Variants in MTMR12 observed in about 807,000 individuals in gnomAD.
MTMR12 encodes the protein myotubularin related protein 12, also known as myotubularin-related protein 12.
MTMR12 carries 33 observed loss-of-function variants against 96.7 expected under a neutral mutation model. The observed-to-expected ratio is 0.34, with a 90% confidence interval of 0.26 to 0.46. The LOEUF is 0.46. MTMR12 is among the 20% of genes least tolerant of loss of function. The pLI, the probability that MTMR12 is intolerant of heterozygous loss-of-function variation, is 1.00. For missense variants in MTMR12, 721 were observed against 896.1 expected (o/e 0.80, Z 2.49); for synonymous variants, 298 against 327.2 (o/e 0.91, Z 0.96).
At chr5:32,244,242 G>A (rs1187921811) in intron 10 of MTMR12, among the ~76,000 whole-genome samples, 1 of 150,712 alleles carries the variant, frequency 6.6e-6, no homozygotes, top group Non-Finnish European at 1.5e-5. Flanking sequence ...TGGCGCCACT[G>A]CACCCTAGCC....
At chr5:32,275,124 C>T (rs540170015) in intron 2 of MTMR12, among the ~76,000 whole-genome samples, 8 of 152,132 alleles carry the variant, frequency 5.3e-5, no homozygotes, top group Admixed American at 3.3e-4. Context: ...TTTAGTCTAC[C>T]TTCAATATGA....
chr5:32,293,469 A>C (rs1203046964), intron 1 of MTMR12, among the ~76,000 whole-genome samples: 1 of 152,134 alleles, frequency 6.6e-6, no homozygotes. Context: ...TGAGACTCTG[A>C]CTGGCTCTCC....
At chr5:32,281,248 T>TAAAAAAAAA (rs72123716) in intron 1 of MTMR12, among the ~76,000 whole-genome samples, 3 of 107,452 alleles carry the variant, frequency 2.8e-5, no homozygotes, top group African/African-American at 3.5e-5. Flanking sequence ...ACTCTATCAT[T>TAAAAAAAAA]AAAAAAAAAA....
At chr5:32,305,125 G>T (rs1305503165) in intron 1 of MTMR12, among the ~76,000 whole-genome samples, 1 of 152,126 alleles carries the variant, frequency 6.6e-6, no homozygotes, top group Non-Finnish European at 1.5e-5. Context: ...GTCTTGCTCT[G>T]TCGCCCAGGC....
intron 1 of MTMR12, among the ~76,000 whole-genome samples, chr5:32,282,524 A>T (rs954783554): frequency 4.6e-5 from 7 of 152,074 alleles, no homozygotes; most frequent in Non-Finnish European, 8.8e-5. Flanking sequence ...ACTTCAAAAA[A>T]ATTATAAATA....
chr5:32,268,598 G>C, intron 6 of MTMR12, 103 bp downstream of exon 6: 1 of 891,640 alleles, frequency 1.1e-6, no homozygotes, highest in Non-Finnish European at 1.8e-6. Flanking sequence ...AGAGGAGACA[G>C]GAAAAAACAA....
intron 3 of MTMR12, among the ~76,000 whole-genome samples, chr5:32,272,960 A>G (rs539207589): frequency 6.6e-6 from 1 of 152,182 alleles, no homozygotes; most frequent in African/African-American, 2.4e-5. Flanking sequence ...GACAGTTGGC[A>G]CATTGGGGCC....
chr5:32,242,191 G>A (rs375281151), intron 11 of MTMR12, 64 bp from the exon 12 acceptor site: 127 of 1,155,272 alleles, frequency 1.1e-4, no homozygotes, highest in African/African-American at 3.1e-4. Flanking sequence ...CAAACACTAC[G>A]TAGTTGAGAG....
Position 32,312,903 on chromosome 5 carries a change from AGCAGCGGCGGCCACCAGCACTAGCG to A in MTMR12, c.-90_-66del. 1.4e-6 allele frequency: 2 copies of A among 1,420,258 alleles called. No homozygotes were observed. Among genetic ancestry groups the A allele is most frequent in the Middle Eastern group, 2.4e-4 (1 of 4,088 alleles). 88.0% of individuals were successfully genotyped at this position (1,420,258 alleles called of 1,614,324 possible). On this transcript the variant is annotated 5_prime_UTR_variant, in exon 1 of 16. Transcript: ENST00000382142. This position sits in a 1 kb window ranked among gnomAD's most constrained non-coding sequence, Gnocchi z 5.0. Reference sequence around the variant, plus strand: ...CGGCGGCTCGGGCTCCAGCTGGGGCAGCAGCGGCGGCCACCAGCACTAGCGGCTGGGGCTCCGCCCATCCCCAAGG... The same window carrying A: ...CGGCGGCTCGGGCTCCAGCTGGGGCAGCTGGGGCTCCGCCCATCCCCAAGG...
rs1292753193 is a variant in MTMR12, at chr5:32,238,993, G to C, written c.1344+8C>G. The C allele has an allele frequency of 3.2e-6, 5 of 1,579,348 alleles. No homozygotes were observed. In the Admixed American group the frequency reaches 8.7e-5, roughly 28 times the overall value. ...ATGACGGAAACAGTCTGCAGTGAGG[G>C]AACTCACCTCCTCTTTGTCGTTCTG... is the stretch of plus-strand genomic sequence containing the variant. On this transcript the variant is annotated splice_region_variant and intron_variant, in intron 13 of 15. Coordinates refer to ENST00000382142, the MANE Select transcript of MTMR12 (RefSeq NM_001040446.3).
chr5:32,302,258 T>C (rs1386196161), intron 1 of MTMR12, among the ~76,000 whole-genome samples: 1 of 152,366 alleles, frequency 6.6e-6, no homozygotes, highest in Non-Finnish European at 1.5e-5. Context: ...ACAGCATGGT[T>C]TTACAACTGC....
intron 12 of MTMR12, among the ~76,000 whole-genome samples, chr5:32,240,805 T>C (rs1748438945): frequency 6.6e-6 from 1 of 152,170 alleles, no homozygotes; most frequent in African/African-American, 2.4e-5. Flanking sequence ...TTCGTCATGT[T>C]GGCCAGGCTG....
intron 14 of MTMR12, 149 bp downstream of exon 14, chr5:32,234,813 G>T (rs1748144700): frequency 1.5e-6 from 1 of 649,102 alleles, no homozygotes; most frequent in Non-Finnish European, 2.5e-6. Flanking sequence ...TCTCGCAGGG[G>T]CCATGCTAAT....
chr5:32,309,028 G>C (rs899429921), intron 1 of MTMR12, among the ~76,000 whole-genome samples: 6 of 152,164 alleles, frequency 3.9e-5, no homozygotes, highest in South Asian at 2.1e-4. Flanking sequence ...TTTAATGCAA[G>C]AAAACAAAGC....
intron 1 of MTMR12, chr5:32,296,421 G>A (rs1369763870): frequency 3.2e-6 from 1 of 311,420 alleles, no homozygotes; most frequent in East Asian, 1.2e-4. Flanking sequence ...TGAGGCTGGA[G>A]TGAGCTGAGA....
Position 32,230,469 on chromosome 5 carries a change from A to G in MTMR12, c.1675-122T>C, listed in dbSNP as rs1010342894. ...AGTTCCAAGAGACATCAGTGTTGCC[A>G]TGTGAATGCACACTCATTAACACGC... On this transcript the variant is annotated intron_variant, in intron 15 of 15. Coordinates refer to ENST00000382142, the MANE Select transcript of MTMR12 (RefSeq NM_001040446.3). The G allele has an allele frequency of 1.1e-5, 10 of 890,266 alleles. No individual in the cohort carries two copies. In the African/African-American group the frequency reaches 1.3e-4, roughly 12 times the overall value. The allele number at this position is 890,266 out of a possible 1,614,324, so 55.1% of individuals were successfully genotyped here.
intron 3 of MTMR12, 89 bp downstream of exon 3, chr5:32,273,891 T>C (rs1749944033): frequency 6.5e-7 from 1 of 1,550,310 alleles, no homozygotes. Context: ...TGTTAGGGGG[T>C]AGAGTAACTG....
intron 15 of MTMR12, among the ~76,000 whole-genome samples, chr5:32,231,754 A>T (rs77495611): frequency 0.015 from 2,346 of 152,312 alleles, 32 homozygotes; most frequent in Non-Finnish European, 0.024. Context: ...GATGAAGGCC[A>T]GGATTCAGTG....
chr5:32,235,813 C>G (rs1748205354), intron 13 of MTMR12, among the ~76,000 whole-genome samples: 1 of 152,212 alleles, frequency 6.6e-6, no homozygotes, highest in East Asian at 1.9e-4. Context: ...AGAGTAGTTT[C>G]TAGTGTGCTT....
Sources: gnomAD v4.1 joint callset for allele counts (sites outside exome capture counted in the v4.1 genomes callset) on GRCh38, gnomAD v4.1.1 for gene constraint, Gnocchi (gnomAD v3.1) non-coding constraint, MANE v1.5 for transcripts, NCBI Gene and HGNC (gene_info 2026-07-23, HGNC 2026-07-21) for gene names.